The following GRK5 variants were observed in gnomAD, a reference collection of about 807,000 sequenced individuals.
GRK5 encodes g protein-coupled receptor kinase GRK5.
A neutral mutation model predicts 78.4 loss-of-function variants in GRK5; 40 were observed. The observed-to-expected ratio is 0.51, with a 90% CI of 0.40 to 0.66. The LOEUF is 0.66. GRK5 is among the 30% of genes least tolerant of loss of function. The pLI is 0.00. For missense variants in GRK5, 598 were observed against 759.9 expected (o/e 0.79, Z 2.50); for synonymous variants, 289 against 296.8 (o/e 0.97, Z 0.27).
At chr10:119,296,805 A>G (rs1032844002) in intron 1 of GRK5, among the ~76,000 whole-genome samples, 2 of 152,256 alleles carry the variant, frequency 1.3e-5, no homozygotes, top group Non-Finnish European at 2.9e-5. Flanking sequence ...TAAAGCTGCC[A>G]GAAGTGAGGT....
chr10:119,416,320 C>T lies in GRK5; in HGVS notation c.340-6846C>T, dbSNP rs115066020. Among the ~76,000 whole-genome samples the T allele has an allele frequency of 3.1e-3, 467 of 152,368 alleles. 2 individuals are homozygous for T. The highest frequency in any genetic ancestry group is 0.01 in the African/African-American group (417 of 41,594). ...AGAGCAGGTGCAGCCGCCTTGGCGA[C>T]GCCATCCTCGGGGCTGATAACTCAG... On this transcript the variant is annotated intron_variant, in intron 4 of 15. Transcript: ENST00000392870.
chr10:119,338,752 T>G (rs1850935324), intron 2 of GRK5, among the ~76,000 whole-genome samples: 1 of 152,158 alleles, frequency 6.6e-6, no homozygotes, highest in Non-Finnish European at 1.5e-5. Flanking sequence ...ATGGCTTACT[T>G]CCTGTTGGTG....
rs1848976833 is a variant in GRK5 at position 119,238,983 on chromosome 10, A to G, written c.52+31014A>G. 6.6e-6 allele frequency among the ~76,000 whole-genome samples: 1 copy of G among 152,102 alleles called. No homozygotes were observed. Among genetic ancestry groups the G allele is most frequent in the Non-Finnish European group, 1.5e-5 (1 of 68,030 alleles). The stretch of plus-strand genomic sequence containing the variant: ...TTAGAGAAACGTGATTTTTCATTTA[A>G]TTATATATATAGTTTTCTTTTTTGT... On this transcript the variant is annotated intron_variant, in intron 1 of 15. Coordinates refer to ENST00000392870, the MANE Select transcript of GRK5 (RefSeq NM_005308.3). The surrounding 1 kb of genome is among the most constrained non-coding windows in gnomAD (Gnocchi z 4.7).
At chr10:119,289,229 C>T (rs912343695) in intron 1 of GRK5, among the ~76,000 whole-genome samples, 1 of 152,142 alleles carries the variant, frequency 6.6e-6, no homozygotes, top group African/African-American at 2.4e-5. Context: ...AGAGCCACTT[C>T]TCTGTGGCCC....
chr10:119,324,666 A>T (rs1850644176), intron 1 of GRK5, among the ~76,000 whole-genome samples: 1 of 152,156 alleles, frequency 6.6e-6, no homozygotes. Flanking sequence ...CTTGTAGAGT[A>T]AGGGTGAAGC....
At chr10:119,316,966 G>T (rs553314968) in intron 1 of GRK5, among the ~76,000 whole-genome samples, 2 of 152,294 alleles carry the variant, frequency 1.3e-5, no homozygotes, top group African/African-American at 4.8e-5. Context: ...GAGTCATCTT[G>T]TTAGCGTAAA....
chr10:119,404,036 A>G (rs1209949869), intron 4 of GRK5, among the ~76,000 whole-genome samples: 1 of 152,186 alleles, frequency 6.6e-6, no homozygotes, highest in Non-Finnish European at 1.5e-5. Context: ...TGGGGTATAT[A>G]CATAGGAGTA....
intron 1 of GRK5, among the ~76,000 whole-genome samples, chr10:119,261,468 A>G (rs531765389): frequency 4.0e-5 from 6 of 151,224 alleles, no homozygotes; most frequent in Admixed American, 6.6e-5. Context: ...GCGGCCAGGC[A>G]GAGACGCTCC....
chr10:119,316,188 C>A (rs1435720109), intron 1 of GRK5, among the ~76,000 whole-genome samples: 2 of 152,176 alleles, frequency 1.3e-5, no homozygotes, highest in Admixed American at 6.5e-5. Context: ...GCTGGCCATG[C>A]CATGTCACCC....
In GRK5 at chr10:119,207,908, C is replaced by T. The variant is rs1306234038; in HGVS notation, c.-10C>T. ...CGCCGGCCGGCTCCGTTGCTGACCG[C>T]CGACTGTCAATGGAGCTGGAAAACA... On this transcript the variant is annotated 5_prime_UTR_variant, in exon 1 of 16. Coordinates refer to ENST00000392870, the MANE Select transcript of GRK5 (RefSeq NM_005308.3). 2 of 1,597,472 alleles carry T rather than the reference C, an allele frequency of 1.3e-6. No homozygotes were observed. Among genetic ancestry groups the T allele is most frequent in the African/African-American group, 1.4e-5 (1 of 72,758 alleles).
rs1851682862 is a variant in GRK5, at chr10:119,379,777, G to A, written c.149-1038G>A. ...TTGGAGAGGCTTTAGCATCACTGCA[G>A]GAAGAACCAAAAGGGAAAGGGCCCC... On this transcript the variant is annotated intron_variant, in intron 2 of 15. Coordinates refer to ENST00000392870, the MANE Select transcript of GRK5 (RefSeq NM_005308.3). The surrounding 1 kb of genome is among the most constrained non-coding windows in gnomAD (Gnocchi z 4.1). Among the ~76,000 whole-genome samples the A allele has an allele frequency of 6.6e-6, 1 of 152,200 alleles. No individual in the cohort carries two copies. The highest frequency in any genetic ancestry group is 2.4e-5 in the African/African-American group (1 of 41,446).
intron 13 of GRK5, among the ~76,000 whole-genome samples, 200 bp downstream of exon 13, chr10:119,448,460 G>A (rs1157105743): frequency 6.6e-6 from 1 of 152,248 alleles, no homozygotes; most frequent in Non-Finnish European, 1.5e-5. Flanking sequence ...GTGGGCCAGG[G>A]AGCCCACATT....
At position 119,400,699 on chromosome 10, in the gene GRK5, G is replaced by A. The variant is rs781683052; in HGVS notation, c.339+3927G>A. ...AGCAGTGTGGAGTTGCCAGTGCTTC[G>A]AGTGCCACTTGTATTTTAGGACGAT... On this transcript the variant is annotated intron_variant, in intron 4 of 15. Transcript: ENST00000392870. Among the ~76,000 whole-genome samples, 104 of 152,118 alleles carry A rather than the reference G, an allele frequency of 6.8e-4. 1 individual carries two copies. The highest frequency in any genetic ancestry group is 2.1e-4 in the South Asian group (1 of 4,826).
intron 3 of GRK5, among the ~76,000 whole-genome samples, chr10:119,394,430 G>A (rs1393936258): frequency 2.8e-4 from 5 of 18,004 alleles, no homozygotes; most frequent in South Asian, 3.0e-3. Context: ...GTGTGGGTAC[G>A]TGTATGGGTG....
intron 3 of GRK5, among the ~76,000 whole-genome samples, chr10:119,386,061 T>G (rs950265024): frequency 6.6e-6 from 1 of 152,130 alleles, no homozygotes; most frequent in Non-Finnish European, 1.5e-5. Flanking sequence ...ATTTTTGTAT[T>G]CTTTGTAGAG....
Position 119,326,181 on chromosome 10 carries a change from C to T in GRK5, c.53-335C>T, listed in dbSNP as rs140648892. Among the ~76,000 whole-genome samples, 619 of 152,356 alleles carry T rather than the reference C, an allele frequency of 4.1e-3. 2 individuals are homozygous for T. The highest frequency in any genetic ancestry group is 7.3e-3 in the Non-Finnish European group (496 of 68,022). On this transcript the variant is annotated intron_variant, in intron 1 of 15. Coordinates refer to ENST00000392870, the MANE Select transcript of GRK5 (RefSeq NM_005308.3). The stretch of plus-strand genomic sequence containing the variant: ...CCCCAAGCTAAAGGGGATGTTCAGA[C>T]GTGGCAGGCCTGGCCCCTGCTGTGG...
intron 2 of GRK5, among the ~76,000 whole-genome samples, chr10:119,351,039 C>T (rs917611706): frequency 4.6e-5 from 7 of 152,066 alleles, no homozygotes; most frequent in African/African-American, 1.7e-4. Context: ...GGAGCCTAGT[C>T]AGTAGGGAAT....
chr10:119,443,041 G>C (rs983940082), intron 11 of GRK5, among the ~76,000 whole-genome samples: 3 of 152,212 alleles, frequency 2.0e-5, no homozygotes, highest in African/African-American at 7.2e-5. Flanking sequence ...ACCAGCACAT[G>C]TGTGGATGCA....
intron 1 of GRK5, among the ~76,000 whole-genome samples, chr10:119,231,287 CAT>C (rs1819930155): frequency 6.6e-6 from 1 of 152,102 alleles, no homozygotes; most frequent in Non-Finnish European, 1.5e-5. Context: ...CAAAAGAAGA[CAT>C]ACACACCACT....
Sources: gnomAD v4.1 joint callset for allele counts (sites outside exome capture counted in the v4.1 genomes callset) on GRCh38, gnomAD v4.1.1 for gene constraint, Gnocchi (gnomAD v3.1) non-coding constraint, MANE v1.5 for transcripts, NCBI Gene and HGNC (gene_info 2026-07-23, HGNC 2026-07-21) for gene names.